GRM7: variants seen among roughly 807,000 people sequenced by gnomAD.
The protein encoded by GRM7 is metabotropic glutamate receptor 7.
GRM7 carries 35 observed loss-of-function variants against 84.5 expected under a neutral mutation model. The ratio of observed to expected loss-of-function variants is 0.41; its 90% CI spans 0.32 to 0.55. GRM7 has a LOEUF of 0.55. GRM7 is among the 20% of genes least tolerant of loss of function. GRM7 has a pLI of 0.19. For missense variants in GRM7, 1,003 were observed against 1,194.6 expected (o/e 0.84, Z 2.36); for synonymous variants, 487 against 455.1 (o/e 1.07, Z -0.89).
intron 8 of GRM7, among the ~76,000 whole-genome samples, chr3:7,622,841 G>A (rs571786372): frequency 1.2e-4 from 19 of 152,144 alleles, no homozygotes; most frequent in Non-Finnish European, 2.1e-4. Context: ...ACCCGTGTCC[G>A]TGTTATTTCC....
intron 9 of GRM7, among the ~76,000 whole-genome samples, chr3:7,721,946 G>A (rs928731000): frequency 6.6e-6 from 1 of 152,226 alleles, no homozygotes; most frequent in African/African-American, 2.4e-5. Context: ...AGTGGCTAAT[G>A]ATGACAGTAT....
At chr3:6,959,978 T>C (rs774191365) in intron 1 of GRM7, among the ~76,000 whole-genome samples, 4 of 152,184 alleles carry the variant, frequency 2.6e-5, no homozygotes, top group Non-Finnish European at 4.4e-5. Context: ...ATCTAAAAAC[T>C]GGAGGAGGTC....
chr3:7,680,095 C>T lies in GRM7; in HGVS notation c.2498C>T (p.Ala833Val). 1.2e-6 allele frequency: 2 copies of T among 1,613,710 alleles called. No individual in the cohort carries two copies. The highest frequency in any genetic ancestry group is 1.7e-6 in the Non-Finnish European group (2 of 1,179,602). Residue 833 changes from alanine to valine, a missense_variant, in exon 9 of 10, where the codon GCA becomes GTA. Physicochemically the swap from Ala to Val is moderately conservative, Grantham distance 64 (BLOSUM62 0). Coordinates refer to ENST00000357716, the MANE Select transcript of GRM7 (RefSeq NM_000844.4). ...CTTACAATCTCCATGAACCTAAGTG[C>T]ATCAGTGGCGCTGGGGATGCTATAC... ...TTLTISMNLS[A>V]SVALGMLYMP...
intron 4 of GRM7, among the ~76,000 whole-genome samples, chr3:7,377,891 C>G (rs79844744): frequency 6.6e-6 from 1 of 152,066 alleles, no homozygotes; most frequent in African/African-American, 2.4e-5. Context: ...TGCTAAAAAG[C>G]CTTTGCAAAA....
chr3:7,020,983 A>G (rs1695755562), intron 1 of GRM7, among the ~76,000 whole-genome samples: 1 of 152,206 alleles, frequency 6.6e-6, no homozygotes, highest in Non-Finnish European at 1.5e-5. Context: ...TTAGGAAGGA[A>G]GTAGGCCAAA....
intron 2 of GRM7, among the ~76,000 whole-genome samples, chr3:7,191,204 G>A (rs1695700773): frequency 6.6e-6 from 1 of 152,024 alleles, no homozygotes; most frequent in Admixed American, 6.6e-5. Flanking sequence ...ATGAGTCTCT[G>A]CCTTTTACCT....
At chr3:6,939,357 C>T (rs1443018281) in intron 1 of GRM7, among the ~76,000 whole-genome samples, 1 of 151,838 alleles carries the variant, frequency 6.6e-6, no homozygotes, top group Non-Finnish European at 1.5e-5. Flanking sequence ...GTCTTGACTT[C>T]ATAGGATAAC....
At chr3:7,330,878 G>A (rs554683502) in intron 4 of GRM7, among the ~76,000 whole-genome samples, 4 of 152,098 alleles carry the variant, frequency 2.6e-5, no homozygotes, top group African/African-American at 7.2e-5. Context: ...TTTCTATCTG[G>A]AATCTTCTTT....
intron 1 of GRM7, among the ~76,000 whole-genome samples, chr3:7,079,860 C>G (rs1484362394): frequency 1.3e-5 from 2 of 152,114 alleles, no homozygotes; most frequent in Admixed American, 6.6e-5. Context: ...GTCATGCCTA[C>G]AACAGAACCT....
intron 1 of GRM7, among the ~76,000 whole-genome samples, chr3:6,939,303 C>T (rs1157906697): frequency 1.3e-5 from 2 of 152,116 alleles, no homozygotes. Context: ...TGATTCACAT[C>T]ATTATCAATC....
At chr3:7,561,465 TAGG>T in intron 7 of GRM7, 2 of 455,852 alleles carry the variant, frequency 4.4e-6, no homozygotes, top group South Asian at 3.1e-5. Context: ...GATTATGAGA[TAGG>T]AGAATTACAA....
intron 1 of GRM7, among the ~76,000 whole-genome samples, chr3:6,945,321 T>C (rs1378016874): frequency 1.3e-5 from 2 of 152,016 alleles, no homozygotes; most frequent in African/African-American, 4.8e-5. Flanking sequence ...TGTTTGGTTT[T>C]TTGTCCTTGT....
At chr3:6,873,132 C>T (rs752945199) in intron 1 of GRM7, among the ~76,000 whole-genome samples, 20 of 152,104 alleles carry the variant, frequency 1.3e-4, no homozygotes, top group African/African-American at 4.6e-4. Flanking sequence ...AGTGCAGTGG[C>T]GCGATCTCGG....
At chr3:7,040,943 T>C (rs1295557256) in intron 1 of GRM7, among the ~76,000 whole-genome samples, 1 of 151,526 alleles carries the variant, frequency 6.6e-6, no homozygotes, top group Non-Finnish European at 1.5e-5. Flanking sequence ...ATTTCCTAGG[T>C]GTGGTGGTGT....
At chr3:7,320,426 A>G (rs1280764490) in intron 4 of GRM7, among the ~76,000 whole-genome samples, 1 of 152,048 alleles carries the variant, frequency 6.6e-6, no homozygotes, top group African/African-American at 2.4e-5. Context: ...GGTATGATCT[A>G]ATGGTAATAA....
At chr3:7,547,194 C>CTTTTTTTTT (rs55678792) in intron 7 of GRM7, among the ~76,000 whole-genome samples, 4 of 76,426 alleles carry the variant, frequency 5.2e-5, no homozygotes, top group African/African-American at 2.3e-4. Context: ...AGAGTGAATT[C>CTTTTTTTTT]TTTTTTTTTT....
At chr3:7,376,277 C>A (rs1029032087) in intron 4 of GRM7, among the ~76,000 whole-genome samples, 1 of 152,140 alleles carries the variant, frequency 6.6e-6, no homozygotes, top group Non-Finnish European at 1.5e-5. Flanking sequence ...TCTCTGTATT[C>A]TCACTTGCTA....
chr3:7,693,973 G>A (rs779246669), intron 9 of GRM7, among the ~76,000 whole-genome samples: 1 of 152,148 alleles, frequency 6.6e-6, no homozygotes, highest in African/African-American at 2.4e-5. Context: ...GTGATCTATT[G>A]TTCTACTGTG....
At chr3:7,639,667 C>T (rs1435498285) in intron 8 of GRM7, among the ~76,000 whole-genome samples, 1 of 152,040 alleles carries the variant, frequency 6.6e-6, no homozygotes, top group African/African-American at 2.4e-5. Flanking sequence ...TAAGCAGCAT[C>T]ACTAATGAAA....
Sources: gnomAD v4.1 joint callset for allele counts (sites outside exome capture counted in the v4.1 genomes callset) on GRCh38, gnomAD v4.1.1 for gene constraint, MANE v1.5 for transcripts, NCBI Gene and HGNC (gene_info 2026-07-23, HGNC 2026-07-21) for gene names.